The following CDHR5 variants were observed in gnomAD, a reference collection of about 807,000 sequenced individuals.
The protein encoded by CDHR5 is cadherin related family member 5, also known as cadherin-related family member 5.
A neutral mutation model predicts 69.5 loss-of-function variants in CDHR5; 82 were observed. The ratio of observed to expected loss-of-function variants is 1.18; its 90% confidence interval spans 0.99 to 1.42. CDHR5 has a LOEUF of 1.42. Among genes scored for constraint, CDHR5 ranks in the 40% most tolerant of loss-of-function variants. CDHR5 has a pLI of 0.00. For missense variants in CDHR5, 1,293 were observed against 1,168.9 expected, an observed-to-expected ratio of 1.11 and a Z score of -1.55; for synonymous variants, 601 against 510.2, an observed-to-expected ratio of 1.18 and a Z score of -2.40.
chr11:620,947 T>G, intron 7 of CDHR5, 133 bp downstream of exon 7: 1 of 647,044 alleles, frequency 1.5e-6, no homozygotes, highest in Non-Finnish European at 2.5e-6. Context: ...TCTGCATTTG[T>G]TTCAAAATCA....
In CDHR5 at chr11:624,159, C is replaced by CAG; in HGVS notation, c.312+52_312+53dup. On this transcript the variant is annotated intron_variant, in intron 3 of 14. Transcript: ENST00000397542. This position sits in a 1 kb window ranked among gnomAD's most constrained non-coding sequence, Gnocchi z 5.3. The stretch of plus-strand genomic sequence containing the variant: ...AAAGACTGGTCCTGGACCGGCAGGG[C>CAG]AGAGCCCAGCAGAGGTGGCCGGGTG... 1 of 727,250 alleles carries CAG rather than the reference C, an allele frequency of 1.4e-6. No homozygotes were observed. Among genetic ancestry groups the CAG allele is most frequent in the Non-Finnish European group, 2.6e-6 (1 of 391,706 alleles). 45.0% of individuals were successfully genotyped at this position (727,250 alleles called of 1,614,324 possible).
Position 619,807 on chromosome 11 carries a change from C to T in CDHR5, c.1053G>A (p.Pro351=), listed in dbSNP as rs374463459. The T allele has an allele frequency of 1.5e-5, 24 of 1,592,482 alleles. No homozygotes were observed. The highest frequency in any genetic ancestry group is 6.7e-5 in the South Asian group (6 of 89,086). Residue 351 remains proline, a synonymous_variant, in exon 10 of 15, where the codon CCG becomes CCA. Transcript: ENST00000397542. ...GATACAGTCTCTGGGGGAAGCGGGG[C>T]GGGCTCCCGGCCGCAGCCACAGCCT... ...TVEAVAAAGS[P]PRFPQRLYRG...
rs527960805 is a variant in CDHR5, at chr11:624,352, C to G, written c.262-89G>C. 1.4e-6 allele frequency: 1 copy of G among 733,182 alleles called. No homozygotes were observed. Among genetic ancestry groups the G allele is most frequent in the African/African-American group, 1.7e-5 (1 of 57,874 alleles). 45.4% of individuals were successfully genotyped at this position (733,182 alleles called of 1,614,324 possible). On this transcript the variant is annotated intron_variant, in intron 2 of 14. Coordinates refer to ENST00000397542, the MANE Select transcript of CDHR5 (RefSeq NM_021924.5). The surrounding 1 kb of genome is among the most constrained non-coding windows in gnomAD (Gnocchi z 5.3). ...TGGGCAGGCGCTGGCCCAGGGTCCCCATCATCAGTGGTCAGTGCTGAGGGT... is the reference window on the plus strand; with the variant it reads ...TGGGCAGGCGCTGGCCCAGGGTCCCGATCATCAGTGGTCAGTGCTGAGGGT...
intron 13 of CDHR5, 41 bp from the exon 14 acceptor site, chr11:618,152 G>C (rs1231919018): frequency 1.3e-6 from 2 of 1,541,730 alleles, no homozygotes; most frequent in African/African-American, 2.7e-5. Context: ...CCGCACTGTT[G>C]AGTGCCCCAG....
Position 621,619 on chromosome 11 carries a change from C to T in CDHR5, c.450G>A (p.Gln150=), listed in dbSNP as rs751407733. The change falls in exon 5 of 15, where the codon CAG becomes CAA. Residue 150 remains glutamine (Q), a synonymous_variant. Coordinates refer to ENST00000397542, the MANE Select transcript of CDHR5 (RefSeq NM_021924.5). This position sits in a 1 kb window ranked among gnomAD's most constrained non-coding sequence, Gnocchi z 4.4. The part of the protein sequence containing the change: ...NSTVIPETQL[Q]AEDRDKDDIL... ...TGTCGTCCTTGTCGCGGTCCTCAGC[C>T]TGCAGTTGCGTCTCGGGGATGACGG... 63 of 1,613,752 alleles carry T rather than the reference C, an allele frequency of 3.9e-5. No homozygotes were observed. Among genetic ancestry groups the T allele is most frequent in the Admixed American group, 1.7e-5 (1 of 59,972 alleles).
rs761132478 is a variant in CDHR5 at position 620,322 on chromosome 11, T to C, written c.854A>G (p.Gln285Arg). 1.1e-5 allele frequency: 17 copies of C among 1,612,756 alleles called. No individual in the cohort carries two copies. The highest frequency in any genetic ancestry group is 1.4e-5 in the Non-Finnish European group (16 of 1,179,218). Residue 285 changes from glutamine (Q) to arginine (R), a missense_variant, in exon 8 of 15, where the codon CAG (glutamine) becomes CGG (arginine). Coordinates refer to ENST00000397542, the MANE Select transcript of CDHR5 (RefSeq NM_021924.5). The stretch of plus-strand genomic sequence containing the variant: ...CCTAAAGATGCTGTAGATGATGGGC[T>C]GGTTGATGCCGCGGTCTCCGTCCTC... ...YAEDGDRGINQPIIYSIFRGN... is the reference protein window; with the variant it reads ...YAEDGDRGINRPIIYSIFRGN...
At chr11:622,439 G>T (rs1282097425) in intron 3 of CDHR5, among the ~76,000 whole-genome samples, 377 of 143,060 alleles carry the variant, frequency 2.6e-3, no homozygotes, top group East Asian at 0.013. Context: ...TTTTTTTTTT[G>T]GTTTTTGTTT....
rs769546342 is a variant in CDHR5, at chr11:621,309, A to G, written c.618+36T>C. The G allele has an allele frequency of 3.1e-6, 5 of 1,611,688 alleles. No homozygotes were observed. In the South Asian group the frequency reaches 3.3e-5, roughly 11 times the overall value. ...GAGCAGCTGGGGCCGGGGGGCCTCA[A>G]GTGTGTGGGACTCGGGGCTGGGGTG... On this transcript the variant is annotated intron_variant, in intron 6 of 14. Coordinates refer to ENST00000397542, the MANE Select transcript of CDHR5 (RefSeq NM_021924.5). The surrounding 1 kb of genome is among the most constrained non-coding windows in gnomAD (Gnocchi z 4.4).
At chr11:619,441 C>G (rs979404117) in intron 11 of CDHR5, 33 bp downstream of exon 11, 3 of 1,606,730 alleles carry the variant, frequency 1.9e-6, no homozygotes, top group Non-Finnish European at 2.6e-6. Context: ...AAGCCCCACA[C>G]CCTTGGAGAT....
rs1373224724 is a variant in CDHR5 at position 617,989 on chromosome 11, C to T, written c.2083G>A (p.Gly695Ser). 10 of 1,612,382 alleles carry T rather than the reference C, an allele frequency of 6.2e-6. No homozygotes were observed. The East Asian group carries it at 8.9e-5, about 14-fold the overall frequency. The change falls in exon 14 of 15, where the codon GGC (glycine) becomes AGC (serine). Residue 695 changes from glycine (G) to serine (S), a missense_variant. Coordinates refer to ENST00000397542, the MANE Select transcript of CDHR5 (RefSeq NM_021924.5). Reference protein sequence around the residue: ...GLAVLVHKHYGPRLKCCCGKA... With the variant: ...GLAVLVHKHYSPRLKCCCGKA... ...CCACAGCAGCACTTGAGCCGGGGGCCATAGTGCTTGTGGACAAGGACGGCG... is the reference window on the plus strand; with the variant it reads ...CCACAGCAGCACTTGAGCCGGGGGCTATAGTGCTTGTGGACAAGGACGGCG...
In CDHR5 at chr11:624,193, A is replaced by G. The variant is rs1014026752; in HGVS notation, c.312+20T>C. On this transcript the variant is annotated intron_variant, in intron 3 of 14. Coordinates refer to ENST00000397542, the MANE Select transcript of CDHR5 (RefSeq NM_021924.5). This position sits in a 1 kb window ranked among gnomAD's most constrained non-coding sequence, Gnocchi z 5.3. ...GCAGAGGTGGCCGGGTGGGGCGGGG[A>G]GAGCGGGGCGGGGACTCACCAATGT... 2.7e-6 allele frequency: 2 copies of G among 740,512 alleles called. No individual in the cohort carries two copies. Among genetic ancestry groups the G allele is most frequent in the African/African-American group, 1.7e-5 (1 of 58,214 alleles). 45.9% of individuals were successfully genotyped at this position (740,512 alleles called of 1,614,324 possible).
chr11:620,956 C>T, intron 7 of CDHR5, 124 bp downstream of exon 7: 1 of 687,624 alleles, frequency 1.5e-6, no homozygotes, highest in Admixed American at 3.3e-5. Context: ...GTTTCAAAAT[C>T]ACGACCGAAA....
chr11:617,252 T>C lies in CDHR5; in HGVS notation c.*99A>G. On this transcript the variant is annotated 3_prime_UTR_variant, in exon 15 of 15. Coordinates refer to ENST00000397542, the MANE Select transcript of CDHR5 (RefSeq NM_021924.5). ...CGCGCGCCTGCCCCACGCCATGGCC[T>C]GGGTTTCGGGAGCCTTGCTTTATTC... 4 of 988,898 alleles carry C rather than the reference T, an allele frequency of 4.0e-6. No homozygotes were observed. The highest frequency in any genetic ancestry group is 6.0e-6 in the Non-Finnish European group (4 of 666,224). 61.3% of individuals were successfully genotyped at this position (988,898 alleles called of 1,614,324 possible). A position where few individuals can be genotyped will look rare whatever the true frequency, so the allele number is the denominator to read the frequency against.
Position 621,336 on chromosome 11 carries a change from C to A in CDHR5, c.618+9G>T. ...TGTGTGGGACTCGGGGCTGGGGTGA[C>A]CTGCTCACCCGCACCAGCAGCCAGA... On this transcript the variant is annotated intron_variant, in intron 6 of 14. Coordinates refer to ENST00000397542, the MANE Select transcript of CDHR5 (RefSeq NM_021924.5). The surrounding 1 kb of genome is among the most constrained non-coding windows in gnomAD (Gnocchi z 4.4). 1.2e-6 allele frequency: 2 copies of A among 1,612,092 alleles called. No homozygotes were observed. The highest frequency in any genetic ancestry group is 8.5e-7 in the Non-Finnish European group (1 of 1,179,046).
At position 621,841 on chromosome 11, in the gene CDHR5, AG is replaced by A; in HGVS notation, c.375del (p.Phe126LeufsTer6). The A allele has an allele frequency of 6.2e-7, 1 of 1,613,654 alleles. No individual in the cohort carries two copies. Among genetic ancestry groups the A allele is most frequent in the East Asian group, 2.2e-5 (1 of 44,864 alleles). On this transcript the variant is annotated frameshift_variant, in exon 4 of 15. Transcript: ENST00000397542. LOFTEE classifies it high-confidence loss of function. This position sits in a 1 kb window ranked among gnomAD's most constrained non-coding sequence, Gnocchi z 4.4. ...TCCACCCTTATCTCCTTGGTCTTAA[AG>A]GGGAATTCGGGGGCATTGTCATTGA... Reference protein sequence around the residue: ...LDVNDNAPEFPFKTKEIRVEE... With the variant: ...LDVNDNAPEFXFKTKEIRVEE...
chr11:618,106 C>T lies in CDHR5; in HGVS notation c.1966G>A (p.Gly656Ser), dbSNP rs981370596. The change falls in exon 14 of 15, where the codon GGC becomes AGC. Residue 656 changes from glycine to serine, a missense_variant. Physicochemically the swap from Gly to Ser is moderately conservative, Grantham distance 56 (BLOSUM62 0). Coordinates refer to ENST00000397542, the MANE Select transcript of CDHR5 (RefSeq NM_021924.5). ...GAGAAGCGCTTGTCCTCCGAGGGGC[C>T]GCCACCTGGCATCGCAGTGGAAAAC... Reference protein sequence around the residue: ...LSKSTPSSGGGPSEDKRFSVV... With the variant: ...LSKSTPSSGGSPSEDKRFSVV... 72 of 1,607,590 alleles carry T rather than the reference C, an allele frequency of 4.5e-5. No homozygotes were observed. The highest frequency in any genetic ancestry group is 5.4e-5 in the Non-Finnish European group (64 of 1,177,048).
rs1372560026 is a variant in CDHR5 at position 617,098 on chromosome 11, A to G, written c.*253T>C. The G allele has an allele frequency of 5.6e-6, 3 of 533,054 alleles. No individual in the cohort carries two copies. Among genetic ancestry groups the G allele is most frequent in the Non-Finnish European group, 9.9e-6 (3 of 301,598 alleles). 33.0% of individuals were successfully genotyped at this position (533,054 alleles called of 1,614,324 possible). A position where few individuals can be genotyped will look rare whatever the true frequency, so the allele number is the denominator to read the frequency against. On this transcript the variant is annotated 3_prime_UTR_variant, in exon 15 of 15. Transcript: ENST00000397542. ...GCCTCGGGAAGGCGGCGGGCACTGC[A>G]GGTGGTTTACGGGAAGTGCTGCAGC...
In CDHR5 at chr11:621,735, G is replaced by A. The variant is rs573585009; in HGVS notation, c.406-72C>T. On this transcript the variant is annotated intron_variant, in intron 4 of 14. Transcript: ENST00000397542. The surrounding 1 kb of genome is among the most constrained non-coding windows in gnomAD (Gnocchi z 4.4). ...GGACCCCCACTGTGGTTGAGCCCCCGGCCACCACTCACCTCCTGCCCTCAC... is the reference window on the plus strand; with the variant it reads ...GGACCCCCACTGTGGTTGAGCCCCCAGCCACCACTCACCTCCTGCCCTCAC... The A allele has an allele frequency of 5.2e-6, 8 of 1,550,634 alleles. No homozygotes were observed. The highest frequency in any genetic ancestry group is 3.3e-5 in the Admixed American group (2 of 59,748).
At chr11:623,623 T>C (rs1292848496) in intron 3 of CDHR5, among the ~76,000 whole-genome samples, 1 of 151,144 alleles carries the variant, frequency 6.6e-6, no homozygotes, top group Non-Finnish European at 1.5e-5. Context: ...CTGCACAGTA[T>C]GTCTGGGTTT....
Sources: allele counts gnomAD v4.1 joint callset (sites outside exome capture counted in the v4.1 genomes callset), GRCh38; gene constraint gnomAD v4.1.1; non-coding constraint Gnocchi (gnomAD v3.1); transcripts MANE v1.5; gene names NCBI Gene and HGNC (gene_info 2026-07-23, HGNC 2026-07-21).